Variants in FRMD5 observed in about 807,000 individuals in gnomAD.
The protein encoded by FRMD5 is FERM domain-containing protein 5.
Under a neutral mutation model 69.0 loss-of-function variants are expected in FRMD5, and 20 were observed. The observed-to-expected ratio is 0.29, with a 90% CI of 0.20 to 0.42. FRMD5 has a LOEUF of 0.42. FRMD5 is among the 10% of genes least tolerant of loss of function. The pLI, the probability that FRMD5 is intolerant of heterozygous loss-of-function variation, is 1.00. For synonymous variants in FRMD5, 271 were observed against 260.1 expected (o/e 1.04, Z -0.40); for missense variants, 595 against 708.6 (o/e 0.84, Z 1.82).
chr15:44,074,142 T>A (rs1238384948), intron 1 of FRMD5, among the ~76,000 whole-genome samples: 2 of 152,348 alleles, frequency 1.3e-5, no homozygotes, highest in African/African-American at 4.8e-5. Flanking sequence ...AGCATTACCA[T>A]GTTTATCTAT....
rs140679752 is a variant in FRMD5, at chr15:44,139,298, T to TACACACACAC, written c.102+55645_102+55654dup. ...CACCATCTATAGCTCCCCCTCTCTCTACACACACACACACACACACACACA... is the reference window on the plus strand; with the variant it reads ...CACCATCTATAGCTCCCCCTCTCTCTACACACACACACACACACACACACACACACACACA... On this transcript the variant is annotated intron_variant, in intron 1 of 13. Coordinates refer to ENST00000417257, the MANE Select transcript of FRMD5 (RefSeq NM_032892.5). 5.6e-3 allele frequency among the ~76,000 whole-genome samples: 806 copies of TACACACACAC among 143,752 alleles called. 13 individuals are homozygous for TACACACACAC. The highest frequency in any genetic ancestry group is 0.02 in the African/African-American group (769 of 39,434). 94.3% of individuals were successfully genotyped at this position (143,752 alleles called of 152,430 possible).
chr15:44,172,353 A>G (rs1179525682), intron 1 of FRMD5, among the ~76,000 whole-genome samples: 1 of 149,644 alleles, frequency 6.7e-6, no homozygotes, highest in Non-Finnish European at 1.5e-5. Flanking sequence ...GACTCAAGCC[A>G]TCCTCCTGCC....
chr15:43,991,126 A>G (rs1234525860), intron 1 of FRMD5, among the ~76,000 whole-genome samples: 2 of 152,228 alleles, frequency 1.3e-5, no homozygotes, highest in Non-Finnish European at 2.9e-5. Context: ...TATGACCTGT[A>G]CAGGTCTCTG....
intron 1 of FRMD5, among the ~76,000 whole-genome samples, chr15:44,074,633 C>T (rs1234987612): frequency 1.3e-5 from 2 of 152,014 alleles, no homozygotes; most frequent in Non-Finnish European, 2.9e-5. Context: ...GCCTATTCTT[C>T]ATCTAATATT....
At position 43,874,261 on chromosome 15, in the gene FRMD5, G is replaced by A; in HGVS notation, c.1337C>T (p.Ser446Phe). The stretch of plus-strand genomic sequence containing the variant: ...GCAGGTGGCTCCATTGATCTGCCGG[G>A]AAAGCAACATCAGCTCCAGGCTGTG... The part of the protein sequence containing the change: ...AEHSLELMLL[S>F]RQINGATCSI... The change falls in exon 14 of 14, where the codon TCC (serine) becomes TTC (phenylalanine). Residue 446 changes from serine (S) to phenylalanine (F), a missense_variant. Ser to Phe is a radical substitution (Grantham distance 155). This residue lies in a region of FRMD5 where 245 missense variants were observed against 227.1 expected (regional missense o/e 1.08). Transcript: ENST00000417257. 6.2e-7 allele frequency: 1 copy of A among 1,614,202 alleles called. No individual in the cohort carries two copies.
chr15:43,981,553 A>C (rs1464011307), intron 1 of FRMD5, among the ~76,000 whole-genome samples: 1 of 152,124 alleles, frequency 6.6e-6, no homozygotes, highest in Non-Finnish European at 1.5e-5. Flanking sequence ...ATACATTGTA[A>C]TTTTTGATTT....
chr15:44,122,110 A>T (rs28549689), intron 1 of FRMD5, among the ~76,000 whole-genome samples: 1 of 152,206 alleles, frequency 6.6e-6, no homozygotes, highest in Non-Finnish European at 1.5e-5. Context: ...TTGGTAAAAA[A>T]TAAAAATTTC....
At position 43,923,780 on chromosome 15, in the gene FRMD5, C is replaced by T. The variant is rs145423438; in HGVS notation, c.207+425G>A. On this transcript the variant is annotated intron_variant, in intron 2 of 13. Transcript: ENST00000417257. Reference sequence around the variant, plus strand: ...AAGATCTGCAAGGTGCTGAAAGGCCCGCGCTGGTTTGGCTCTGTCTGTACT... The same window carrying T: ...AAGATCTGCAAGGTGCTGAAAGGCCTGCGCTGGTTTGGCTCTGTCTGTACT... 5.5e-3 allele frequency among the ~76,000 whole-genome samples: 844 copies of T among 152,320 alleles called. 3 individuals carry two copies. The highest frequency in any genetic ancestry group is 8.0e-3 in the Non-Finnish European group (542 of 68,026).
chr15:43,954,894 T>A (rs2140522041), intron 1 of FRMD5, among the ~76,000 whole-genome samples: 1 of 152,362 alleles, frequency 6.6e-6, no homozygotes, highest in South Asian at 2.1e-4. Flanking sequence ...CTAGATGATA[T>A]GCTGAGCATT....
intron 13 of FRMD5, among the ~76,000 whole-genome samples, chr15:43,878,119 C>T (rs995972972): frequency 2.6e-5 from 4 of 152,220 alleles, no homozygotes; most frequent in African/African-American, 9.7e-5. Flanking sequence ...CCTCCCACCT[C>T]AGCCTCCTGA....
At chr15:43,884,665 G>A in intron 12 of FRMD5, 62 bp downstream of exon 12, 2 of 1,492,900 alleles carry the variant, frequency 1.3e-6, no homozygotes, top group Non-Finnish European at 1.9e-6. Flanking sequence ...TACTCAAACT[G>A]CTGGATTGAG....
intron 1 of FRMD5, among the ~76,000 whole-genome samples, chr15:43,963,657 C>A (rs1348259348): frequency 1.3e-5 from 2 of 152,136 alleles, no homozygotes; most frequent in Non-Finnish European, 2.9e-5. Context: ...GGAACCAACC[C>A]AAATGTCCAA....
At chr15:43,875,881 A>T (rs1221443018) in intron 13 of FRMD5, 1 of 717,588 alleles carries the variant, frequency 1.4e-6, no homozygotes, top group African/African-American at 1.9e-5. Flanking sequence ...ATAATATGAT[A>T]TCCAAATTTT....
At chr15:44,100,891 C>T (rs1344454295) in intron 1 of FRMD5, among the ~76,000 whole-genome samples, 1 of 152,156 alleles carries the variant, frequency 6.6e-6, no homozygotes, top group African/African-American at 2.4e-5. Context: ...TGGCTCACGC[C>T]TGTAATCCCA....
At chr15:43,889,221 A>G (rs967767333) in intron 8 of FRMD5, among the ~76,000 whole-genome samples, 1 of 152,214 alleles carries the variant, frequency 6.6e-6, no homozygotes, top group Non-Finnish European at 1.5e-5. Context: ...CATTATCTGG[A>G]TGGGACTGTC....
chr15:43,892,521 G>A (rs2088816183), intron 7 of FRMD5, among the ~76,000 whole-genome samples: 1 of 152,220 alleles, frequency 6.6e-6, no homozygotes. Context: ...ACAGAAACTG[G>A]TACATGTATG....
intron 1 of FRMD5, among the ~76,000 whole-genome samples, chr15:44,165,295 G>A (rs764762668): frequency 1.3e-5 from 2 of 152,012 alleles, no homozygotes; most frequent in South Asian, 2.1e-4. Context: ...GGTGGCACAC[G>A]CCTGTAATCC....
At chr15:43,989,953 G>A (rs1320380408) in intron 1 of FRMD5, 9 of 1,121,444 alleles carry the variant, frequency 8.0e-6, no homozygotes, top group Non-Finnish European at 9.4e-6. Flanking sequence ...GTCCCAGGTG[G>A]TGACAATGTC....
chr15:43,888,719 C>G, intron 9 of FRMD5, 90 bp downstream of exon 9: 1 of 1,076,984 alleles, frequency 9.3e-7, no homozygotes, highest in Non-Finnish European at 1.4e-6. Context: ...GGTAGCTTGG[C>G]TCTACTGGGG....
Sources: gnomAD v4.1 joint callset for allele counts (sites outside exome capture counted in the v4.1 genomes callset) on GRCh38, gnomAD v4.1.1 for gene constraint, gnomAD v4.1.1 regional missense constraint, MANE v1.5 for transcripts, NCBI Gene and HGNC (gene_info 2026-07-23, HGNC 2026-07-21) for gene names.